Variants in AGMO observed in about 807,000 individuals in gnomAD.
The protein encoded by AGMO is alkylglycerol monooxygenase.
AGMO carries 75 observed loss-of-function variants against 60.2 expected under a neutral mutation model. The observed-to-expected ratio is 1.25, with a 90% CI of 1.03 to 1.51. The LOEUF (loss-of-function observed/expected upper bound fraction) is 1.51, where lower values mean the gene tolerates loss of function less well. Ranked by LOEUF, AGMO falls within the 40% of genes most tolerant of loss-of-function variation. AGMO has a pLI of 0.00. For missense variants in AGMO, 763 were observed against 525.5 expected (o/e 1.45, Z -4.42); for synonymous variants, 261 against 177.1 (o/e 1.47, Z -3.76).
At chr7:15,418,314 A>C (rs1177441253) in intron 5 of AGMO, among the ~76,000 whole-genome samples, 4 of 152,068 alleles carry the variant, frequency 2.6e-5, no homozygotes, top group African/African-American at 9.7e-5. Flanking sequence ...TATAGTATTA[A>C]AATGTTTTGG....
the AGMO span, among the ~76,000 whole-genome samples, chr7:15,170,867 C>A: frequency 3.3e-5 from 5 of 152,046 alleles, no homozygotes; most frequent in East Asian, 7.7e-4. Context: ...TTTTGAAGAT[C>A]GTGATGGTTT....
At chr7:15,188,580 C>T in the AGMO span, among the ~76,000 whole-genome samples, 8 of 152,136 alleles carry the variant, frequency 5.3e-5, no homozygotes, top group Non-Finnish European at 1.2e-4. Context: ...TATAATGAGA[C>T]TGGGTGATAA....
At chr7:15,174,618 G>T in the AGMO span, among the ~76,000 whole-genome samples, 17 of 151,924 alleles carry the variant, frequency 1.1e-4, no homozygotes, top group Admixed American at 3.3e-4. Context: ...CCATAGAAAT[G>T]CATGAGAGGT....
At chr7:15,368,220 G>A (rs1020688687) in intron 10 of AGMO, among the ~76,000 whole-genome samples, 1 of 150,594 alleles carries the variant, frequency 6.6e-6, no homozygotes, top group Admixed American at 6.7e-5. Context: ...CAGAGCAAGA[G>A]AGTGCTATTA....
At chr7:15,331,978 G>C (rs1209949261) in intron 12 of AGMO, among the ~76,000 whole-genome samples, 1 of 151,822 alleles carries the variant, frequency 6.6e-6, no homozygotes, top group African/African-American at 2.4e-5. Flanking sequence ...TGGGAGCAGA[G>C]GTGAAATATG....
At chr7:15,271,053 G>T (rs1026660679) in intron 12 of AGMO, among the ~76,000 whole-genome samples, 2 of 151,834 alleles carry the variant, frequency 1.3e-5, no homozygotes, top group African/African-American at 4.8e-5. Flanking sequence ...CCATGCTGTT[G>T]ATGTTCTAGT....
intron 12 of AGMO, among the ~76,000 whole-genome samples, chr7:15,297,856 G>A (rs1466384805): frequency 6.6e-6 from 1 of 152,058 alleles, no homozygotes; most frequent in Non-Finnish European, 1.5e-5. Flanking sequence ...ATAAATAATA[G>A]ATATTGAACT....
At chr7:15,343,311 C>G (rs1232775767) in intron 12 of AGMO, among the ~76,000 whole-genome samples, 1 of 152,072 alleles carries the variant, frequency 6.6e-6, no homozygotes, top group Non-Finnish European at 1.5e-5. Context: ...TATTTTAACT[C>G]AAGCTTTCAA....
chr7:15,453,316 T>C (rs184193640), intron 3 of AGMO, among the ~76,000 whole-genome samples: 13 of 152,334 alleles, frequency 8.5e-5, no homozygotes, highest in Admixed American at 2.6e-4. Context: ...TCTTATAATA[T>C]GTCTTTTCAC....
intron 12 of AGMO, among the ~76,000 whole-genome samples, chr7:15,334,425 C>T (rs1177151083): frequency 6.6e-6 from 1 of 151,802 alleles, no homozygotes; most frequent in Admixed American, 6.6e-5. Context: ...TTCTATTCTC[C>T]TTCTGTGATA....
chr7:15,330,378 A>T (rs1212672706), intron 12 of AGMO, among the ~76,000 whole-genome samples: 1 of 152,188 alleles, frequency 6.6e-6, no homozygotes, highest in East Asian at 1.9e-4. Flanking sequence ...ATACAAATTA[A>T]ATTCTTAACT....
chr7:15,306,249 A>G (rs73284566), intron 12 of AGMO: 8,510 of 238,010 alleles, frequency 0.036, 788 homozygotes, highest in African/African-American at 0.19. Flanking sequence ...GACATTTTTG[A>G]AGGTCTTTTT....
chr7:15,548,278 C>T (rs1476502844), intron 2 of AGMO, among the ~76,000 whole-genome samples: 8 of 151,664 alleles, frequency 5.3e-5, no homozygotes, highest in South Asian at 4.2e-4. Flanking sequence ...TCCAAAGGAA[C>T]GCAGTTCCTC....
At chr7:15,351,007 C>G (rs746428924) in intron 12 of AGMO, among the ~76,000 whole-genome samples, 1 of 152,114 alleles carries the variant, frequency 6.6e-6, no homozygotes, top group Non-Finnish European at 1.5e-5. Flanking sequence ...GAAAATTTAG[C>G]TCACTGTGGG....
chr7:15,380,586 TCAAAG>T (rs147647107), intron 10 of AGMO, among the ~76,000 whole-genome samples: 300 of 152,216 alleles, frequency 2.0e-3, no homozygotes, highest in African/African-American at 6.6e-3. Flanking sequence ...GCCATATTGC[TCAAAG>T]CAATTTATAG....
At chr7:15,255,941 A>G (rs1203676031) in intron 12 of AGMO, among the ~76,000 whole-genome samples, 2 of 152,232 alleles carry the variant, frequency 1.3e-5, no homozygotes, top group African/African-American at 4.8e-5. Flanking sequence ...CATGGGATTC[A>G]ATCTGAATAA....
In AGMO at chr7:15,284,418, G is replaced by A. The variant is rs536375120; in HGVS notation, c.1263+81096C>T. Among the ~76,000 whole-genome samples the A allele has an allele frequency of 2.6e-5, 4 of 152,032 alleles. No homozygotes were observed. The South Asian group carries it at 6.2e-4, about 24-fold the overall frequency. On this transcript the variant is annotated intron_variant, in intron 12 of 12. Transcript: ENST00000342526. ...CAACTGACACTACAAAAATACAAAAGATCATTTGAGACTACCATAAACACT... is the reference window on the plus strand; with the variant it reads ...CAACTGACACTACAAAAATACAAAAAATCATTTGAGACTACCATAAACACT...
At chr7:15,234,539 T>C (rs760183569) in intron 12 of AGMO, among the ~76,000 whole-genome samples, 5 of 152,172 alleles carry the variant, frequency 3.3e-5, no homozygotes, top group Non-Finnish European at 7.3e-5. Flanking sequence ...CTTTTTGGTT[T>C]TGTTTTGTTT....
intron 3 of AGMO, among the ~76,000 whole-genome samples, chr7:15,513,826 T>C (rs749194048): frequency 2.6e-5 from 4 of 152,148 alleles, no homozygotes. Flanking sequence ...CAAAAGATCA[T>C]TATCTTCTCC....
Sources: allele counts gnomAD v4.1 joint callset (sites outside exome capture counted in the v4.1 genomes callset), GRCh38; gene constraint gnomAD v4.1.1; transcripts MANE v1.5; gene names NCBI Gene and HGNC (gene_info 2026-07-23, HGNC 2026-07-21).